The following GRIK4 variants were observed in gnomAD, a reference collection of about 807,000 sequenced individuals.
The protein encoded by GRIK4 is glutamate receptor ionotropic, kainate 4.
GRIK4 carries 40 observed loss-of-function variants against 104.9 expected under a neutral mutation model. The ratio of observed to expected loss-of-function variants is 0.38; its 90% CI spans 0.30 to 0.50. The LOEUF is 0.50. GRIK4 is among the 20% of genes least tolerant of loss of function. The pLI is 0.93. For synonymous variants in GRIK4, 485 were observed against 524.9 expected (o/e 0.92, Z 1.04); for missense variants, 1,047 against 1,308.1 (o/e 0.80, Z 3.08).
At chr11:120,917,786 C>G (rs1943143663) in intron 13 of GRIK4, among the ~76,000 whole-genome samples, 1 of 152,192 alleles carries the variant, frequency 6.6e-6, no homozygotes, top group African/African-American at 2.4e-5. Flanking sequence ...CCTTCAAACC[C>G]CATTGGGCAT....
chr11:120,687,264 C>T (rs983363183), intron 3 of GRIK4, among the ~76,000 whole-genome samples: 1 of 149,616 alleles, frequency 6.7e-6, no homozygotes, highest in East Asian at 2.0e-4. Context: ...AGGGACCATG[C>T]CTTGGGTCTT....
chr11:120,676,915 G>A (rs889033244), intron 3 of GRIK4, among the ~76,000 whole-genome samples: 1 of 152,216 alleles, frequency 6.6e-6, no homozygotes, highest in African/African-American at 2.4e-5. Context: ...AGGCTAAGCC[G>A]CTGGAAAACC....
chr11:120,752,102 G>A (rs373244751), intron 3 of GRIK4, among the ~76,000 whole-genome samples: 6 of 152,098 alleles, frequency 3.9e-5, no homozygotes, highest in Non-Finnish European at 7.4e-5. Context: ...GAAGGGTCTC[G>A]TGCATCCTCC....
At chr11:120,832,943 G>T (rs115007090) in intron 7 of GRIK4, among the ~76,000 whole-genome samples, 1 of 152,128 alleles carries the variant, frequency 6.6e-6, no homozygotes, top group Admixed American at 6.5e-5. Flanking sequence ...CTCTCCAGGC[G>T]CACTGGCCTC....
At chr11:120,959,965 G>T (rs1257957065) in intron 16 of GRIK4, among the ~76,000 whole-genome samples, 1 of 152,112 alleles carries the variant, frequency 6.6e-6, no homozygotes, top group Non-Finnish European at 1.5e-5. Context: ...GGAGTTCTAG[G>T]TTGCATTGAG....
intron 11 of GRIK4, among the ~76,000 whole-genome samples, chr11:120,876,964 C>A (rs544077515): frequency 1.3e-5 from 2 of 152,182 alleles, no homozygotes; most frequent in Non-Finnish European, 2.9e-5. Flanking sequence ...TGAGAGGCTC[C>A]GATCAGCCCT....
intron 3 of GRIK4, among the ~76,000 whole-genome samples, chr11:120,774,502 C>T (rs2846095): frequency 0.45 from 68,749 of 152,056 alleles, 17,464 homozygotes; most frequent in African/African-American, 0.71. Flanking sequence ...ACAGAATTCC[C>T]TTTTTGGGGG....
chr11:120,724,296 A>G (rs890692350), intron 3 of GRIK4, among the ~76,000 whole-genome samples: 3 of 152,160 alleles, frequency 2.0e-5, no homozygotes, highest in African/African-American at 4.8e-5. Context: ...CTACAGGTGT[A>G]AGTCACAGCA....
chr11:120,878,392 A>T (rs935753794), intron 11 of GRIK4, among the ~76,000 whole-genome samples: 1 of 152,072 alleles, frequency 6.6e-6, no homozygotes, highest in Non-Finnish European at 1.5e-5. Context: ...TTTGACAAAT[A>T]CTGTCCTAGT....
At chr11:120,983,596 T>C in intron 20 of GRIK4, among the ~76,000 whole-genome samples, 1 of 152,188 alleles carries the variant, frequency 6.6e-6, no homozygotes, top group Admixed American at 6.5e-5. Flanking sequence ...TACTGGCTTT[T>C]TCCTTTTGCC....
chr11:120,882,774 C>A (rs370476816), intron 11 of GRIK4, among the ~76,000 whole-genome samples: 2 of 152,248 alleles, frequency 1.3e-5, no homozygotes, highest in East Asian at 3.9e-4. Flanking sequence ...CTTGGCGGCC[C>A]CCATTTGCTT....
intron 1 of GRIK4, among the ~76,000 whole-genome samples, chr11:120,531,470 G>A (rs985009558): frequency 1.3e-5 from 2 of 152,206 alleles, no homozygotes; most frequent in African/African-American, 4.8e-5. Flanking sequence ...GCCTTGGGGT[G>A]GGTGCCAGGA....
intron 4 of GRIK4, among the ~76,000 whole-genome samples, chr11:120,809,741 G>A (rs1035825318): frequency 3.9e-5 from 6 of 152,212 alleles, no homozygotes; most frequent in Non-Finnish European, 7.3e-5. Context: ...CTCGAGGCCT[G>A]ATGTGTGTAG....
chr11:120,819,644 A>T lies in GRIK4; in HGVS notation c.346-111A>T. On this transcript the variant is annotated intron_variant, in intron 5 of 20. Transcript: ENST00000527524. This position sits in a 1 kb window ranked among gnomAD's most constrained non-coding sequence, Gnocchi z 4.3. ...TCCTTCTCCCATTGGTGTCTGGCGAAGGTGTTACATAAAAGAACTCACCCT... is the reference window on the plus strand; with the variant it reads ...TCCTTCTCCCATTGGTGTCTGGCGATGGTGTTACATAAAAGAACTCACCCT... The T allele has an allele frequency of 2.1e-6, 2 of 946,460 alleles. No homozygotes were observed. Among genetic ancestry groups the T allele is most frequent in the East Asian group, 4.8e-5 (2 of 41,342 alleles). The allele number at this position is 946,460 out of a possible 1,614,324, so 58.6% of individuals were successfully genotyped here.
intron 1 of GRIK4, among the ~76,000 whole-genome samples, chr11:120,614,167 C>T (rs1450051844): frequency 6.6e-6 from 1 of 152,206 alleles, no homozygotes; most frequent in African/African-American, 2.4e-5. Context: ...GTGGCTCCCC[C>T]AGAAACAGAC....
chr11:120,587,533 G>C (rs2135106235), intron 1 of GRIK4, among the ~76,000 whole-genome samples: 1 of 152,306 alleles, frequency 6.6e-6, no homozygotes, highest in African/African-American at 2.4e-5. Context: ...CACAGTGTCA[G>C]ACATATGTAG....
chr11:120,658,022 T>C (rs562311926), intron 2 of GRIK4, among the ~76,000 whole-genome samples: 6 of 152,078 alleles, frequency 3.9e-5, no homozygotes, highest in South Asian at 2.1e-4. Context: ...CAGCACAGAG[T>C]GGTTTGGTCT....
intron 3 of GRIK4, among the ~76,000 whole-genome samples, chr11:120,718,505 A>C (rs1312148394): frequency 1.3e-5 from 2 of 151,836 alleles, no homozygotes; most frequent in Non-Finnish European, 2.9e-5. Flanking sequence ...GTTCCCTGCC[A>C]CTCTCCTCTC....
chr11:120,680,352 G>T (rs1468355680), intron 3 of GRIK4, among the ~76,000 whole-genome samples: 1 of 124,428 alleles, frequency 8.0e-6, no homozygotes, highest in Non-Finnish European at 1.8e-5. Context: ...TGCTCCCTAA[G>T]TATTACAGAC....
Sources: allele counts gnomAD v4.1 joint callset (sites outside exome capture counted in the v4.1 genomes callset), GRCh38; gene constraint gnomAD v4.1.1; non-coding constraint Gnocchi (gnomAD v3.1); transcripts MANE v1.5; gene names NCBI Gene and HGNC (gene_info 2026-07-23, HGNC 2026-07-21).